The following TMOD3 variants were observed in gnomAD, a reference collection of about 807,000 sequenced individuals.
TMOD3 encodes tropomodulin 3.
TMOD3 carries 20 observed loss-of-function variants against 39.2 expected under a neutral mutation model. That is an observed-to-expected ratio of 0.51 (90% confidence interval 0.36 to 0.74). The LOEUF (loss-of-function observed/expected upper bound fraction) is 0.74. Ranked by LOEUF, TMOD3 falls within the 30% of genes least tolerant of loss-of-function variation. TMOD3 has a pLI of 0.00. For synonymous variants in TMOD3, 143 were observed against 145.8 expected (o/e 0.98, Z 0.14); for missense variants, 381 against 412.8 (o/e 0.92, Z 0.67).
intron 5 of TMOD3, among the ~76,000 whole-genome samples, 173 bp downstream of exon 5, chr15:51,889,318 T>C (rs1019565627): frequency 6.6e-6 from 1 of 151,792 alleles, no homozygotes; most frequent in Non-Finnish European, 1.5e-5. Flanking sequence ...GTATTAAATA[T>C]TTTGTGTTTA....
intron 5 of TMOD3, among the ~76,000 whole-genome samples, chr15:51,893,294 CAAAAAAAAAA>C (rs59321162): frequency 1.5e-4 from 9 of 59,008 alleles, no homozygotes; most frequent in South Asian, 8.8e-4. Flanking sequence ...GACTCCATCT[CAAAAAAAAAA>C]AAAAAAAAAA....
chr15:51,887,618 G>A lies in TMOD3; in HGVS notation c.313G>A (p.Val105Ile). ...AATATTTATCCCCAAACAGAAACCT[G>A]TACAGACTTTTACAGAAGAAAAAGT... ...GKIFIPKQKP[V>I]QTFTEEKVSL... is the part of the protein sequence containing the mutation. The change falls in exon 4 of 10, where the codon GTA (valine) becomes ATA (isoleucine). Residue 105 changes from valine (V) to isoleucine (I), a missense_variant. Coordinates refer to ENST00000308580, the MANE Select transcript of TMOD3 (RefSeq NM_014547.5). 1.2e-6 allele frequency: 2 copies of A among 1,613,768 alleles called. No homozygotes were observed. The highest frequency in any genetic ancestry group is 1.7e-6 in the Non-Finnish European group (2 of 1,179,872).
Position 51,908,777 on chromosome 15 carries a change from G to A in TMOD3, c.1026G>A (p.Val342=). ...TAGTTTCTTTTATTTTTCTCATAGTGCGTAAGAGACGAGTTGAAGGAGATC... is the reference window on the plus strand; with the variant it reads ...TAGTTTCTTTTATTTTTCTCATAGTACGTAAGAGACGAGTTGAAGGAGATC... ...ANAITKNNDL[V]RKRRVEGDHQ is the part of the protein sequence containing the mutation. Residue 342 remains valine (V), a splice_region_variant and synonymous_variant, in exon 10 of 10, where the codon GTG becomes GTA. Coordinates refer to ENST00000308580, the MANE Select transcript of TMOD3 (RefSeq NM_014547.5). The A allele has an allele frequency of 6.2e-7, 1 of 1,606,926 alleles. No individual in the cohort carries two copies. The highest frequency in any genetic ancestry group is 8.5e-7 in the Non-Finnish European group (1 of 1,177,186).
At chr15:51,844,708 A>C (rs1163061115) in intron 1 of TMOD3, among the ~76,000 whole-genome samples, 2 of 152,178 alleles carry the variant, frequency 1.3e-5, no homozygotes, top group Non-Finnish European at 2.9e-5. Context: ...TCTTTTTTGC[A>C]TTAATTCCTA....
At chr15:51,838,119 C>A (rs897454564) in intron 1 of TMOD3, among the ~76,000 whole-genome samples, 7 of 152,070 alleles carry the variant, frequency 4.6e-5, no homozygotes, top group African/African-American at 1.7e-4. Context: ...GCTCCTTTCC[C>A]TTTACTTTTC....
At chr15:51,903,556 CTG>C (rs2056663678) in intron 9 of TMOD3, among the ~76,000 whole-genome samples, 1 of 152,168 alleles carries the variant, frequency 6.6e-6, no homozygotes, top group Admixed American at 6.5e-5. Context: ...CTTTTTATGA[CTG>C]TGGTTTCCCA....
intron 7 of TMOD3, among the ~76,000 whole-genome samples, chr15:51,898,093 C>CA (rs910273364): frequency 5.3e-5 from 8 of 152,322 alleles, no homozygotes; most frequent in African/African-American, 1.9e-4. Flanking sequence ...AGCAGCTTCC[C>CA]ATCTCATTAA....
intron 9 of TMOD3, among the ~76,000 whole-genome samples, chr15:51,906,216 T>TA (rs2141711700): frequency 6.6e-6 from 1 of 152,274 alleles, no homozygotes; most frequent in South Asian, 2.1e-4. Flanking sequence ...GCCTAATAGA[T>TA]AAAGATTGAA....
intron 9 of TMOD3, 26 bp downstream of exon 9, chr15:51,902,062 C>G (rs199901665): frequency 9.6e-5 from 155 of 1,610,172 alleles, no homozygotes; most frequent in Non-Finnish European, 2.5e-6. Flanking sequence ...GATCAAGTTT[C>G]TGAGTTCTAT....
At chr15:51,900,088 G>A in intron 7 of TMOD3, 67 bp from the exon 8 acceptor site, 1 of 1,441,442 alleles carries the variant, frequency 6.9e-7, no homozygotes, top group South Asian at 1.2e-5. Context: ...ATTTATTTAT[G>A]GCATGTACAA....
At chr15:51,902,179 A>G (rs961087999) in intron 9 of TMOD3, 143 bp downstream of exon 9, 3 of 920,416 alleles carry the variant, frequency 3.3e-6, no homozygotes, top group Non-Finnish European at 4.8e-6. Context: ...TTATATACTG[A>G]TTGAATTCAA....
chr15:51,878,014 T>G (rs1248327341), intron 3 of TMOD3, among the ~76,000 whole-genome samples: 1 of 152,236 alleles, frequency 6.6e-6, no homozygotes, highest in Non-Finnish European at 1.5e-5. Flanking sequence ...AGTTCCCTCC[T>G]TTCTGGTTCC....
At chr15:51,905,219 C>T (rs1272996451) in intron 9 of TMOD3, among the ~76,000 whole-genome samples, 2 of 152,144 alleles carry the variant, frequency 1.3e-5, no homozygotes, top group Admixed American at 6.5e-5. Flanking sequence ...AGATTGAGGC[C>T]GGGTGCAGTG....
Position 51,832,203 on chromosome 15 carries a change from T to TTATATATATATA in TMOD3, c.-75+2385_-75+2396dup, listed in dbSNP as rs3985812. 7.8e-3 allele frequency among the ~76,000 whole-genome samples: 619 copies of TTATATATATATA among 79,284 alleles called. 41 individuals carry two copies. The highest frequency in any genetic ancestry group is 0.022 in the Admixed American group (136 of 6,314). 52.0% of individuals were successfully genotyped at this position (79,284 alleles called of 152,430 possible). ...TGTCTCTCTAAAAAAAGAAAAAAAA[T>TTATATATATATA]TATATATATATATATATATATATAT... is the stretch of plus-strand genomic sequence containing the variant. On this transcript the variant is annotated intron_variant, in intron 1 of 9. Coordinates refer to ENST00000308580, the MANE Select transcript of TMOD3 (RefSeq NM_014547.5).
intron 2 of TMOD3, among the ~76,000 whole-genome samples, chr15:51,866,071 T>G (rs2056444189): frequency 1.3e-5 from 2 of 152,212 alleles, no homozygotes; most frequent in Admixed American, 6.5e-5. Flanking sequence ...TTATGATCTA[T>G]TAGCTTACTT....
intron 1 of TMOD3, chr15:51,859,669 A>G (rs1341750790): frequency 2.0e-6 from 1 of 491,430 alleles, no homozygotes; most frequent in Non-Finnish European, 4.0e-6. Context: ...ATGGTAGACA[A>G]ACCTGGAGTT....
intron 5 of TMOD3, among the ~76,000 whole-genome samples, chr15:51,889,717 T>G (rs1381314397): frequency 6.6e-6 from 1 of 152,054 alleles, no homozygotes; most frequent in African/African-American, 2.4e-5. Context: ...ATTTTAAAAA[T>G]TAGCTGGGCA....
intron 1 of TMOD3, among the ~76,000 whole-genome samples, chr15:51,850,547 A>C (rs2056356524): frequency 6.6e-6 from 1 of 152,206 alleles, no homozygotes; most frequent in African/African-American, 2.4e-5. Context: ...AGTAGAAAAA[A>C]GTCATCTAAG....
At chr15:51,877,812 T>C (rs1223748390) in intron 3 of TMOD3, among the ~76,000 whole-genome samples, 1 of 152,192 alleles carries the variant, frequency 6.6e-6, no homozygotes, top group African/African-American at 2.4e-5. Flanking sequence ...ATTGTGAGCT[T>C]TTCCAGTCTG....
Sources: allele counts gnomAD v4.1 joint callset (sites outside exome capture counted in the v4.1 genomes callset), GRCh38; gene constraint gnomAD v4.1.1; transcripts MANE v1.5; gene names NCBI Gene and HGNC (gene_info 2026-07-23, HGNC 2026-07-21).